TRPC1: variants seen among roughly 807,000 people sequenced by gnomAD.
TRPC1 encodes the protein transient receptor potential cation channel subfamily C member 1.
Under a neutral mutation model 88.2 loss-of-function variants are expected in TRPC1, and 42 were observed. The ratio of observed to expected loss-of-function variants is 0.48; its 90% CI spans 0.37 to 0.62. The LOEUF (loss-of-function observed/expected upper bound fraction) is 0.62. TRPC1 is among the 20% of genes least tolerant of loss of function. The pLI is 0.00. For synonymous variants in TRPC1, 288 were observed against 331.8 expected (o/e 0.87, Z 1.43); for missense variants, 699 against 957.3 (o/e 0.73, Z 3.56).
intron 4 of TRPC1, among the ~76,000 whole-genome samples, chr3:142,760,252 G>A (rs1935138160): frequency 6.6e-6 from 1 of 152,184 alleles, no homozygotes; most frequent in African/African-American, 2.4e-5. Context: ...TTTAATTTTT[G>A]TGTATTGTGA....
intron 4 of TRPC1, among the ~76,000 whole-genome samples, chr3:142,773,604 G>T (rs746924464): frequency 1.0e-4 from 15 of 145,578 alleles, no homozygotes; most frequent in Non-Finnish European, 1.3e-4. Context: ...TTTCCTTTAG[G>T]GGGTATGGGT....
chr3:142,737,324 TTATA>T lies in TRPC1; in HGVS notation c.327+801_327+804del, dbSNP rs10662325. On this transcript the variant is annotated intron_variant, in intron 2 of 12. Coordinates refer to ENST00000476941, the MANE Select transcript of TRPC1 (RefSeq NM_001251845.2). Reference sequence around the variant, plus strand: ...GGGTAATTCTATGTACATTGCTATTTTATATATATATATGTATGTATGTATGTAT... The same window carrying T: ...GGGTAATTCTATGTACATTGCTATTTTATATATATGTATGTATGTATGTAT... Among the ~76,000 whole-genome samples, 219 of 147,806 alleles carry T rather than the reference TTATA, an allele frequency of 1.5e-3. 1 individual carries two copies. The highest frequency in any genetic ancestry group is 7.1e-3 in the Middle Eastern group (2 of 280).
chr3:142,725,711 T>G (rs1169924983), intron 1 of TRPC1, among the ~76,000 whole-genome samples: 1 of 152,170 alleles, frequency 6.6e-6, no homozygotes, highest in African/African-American at 2.4e-5. Flanking sequence ...ACATGCAAAC[T>G]TCTGGAACAA....
At chr3:142,750,885 C>T (rs773476142) in intron 4 of TRPC1, among the ~76,000 whole-genome samples, 14 of 151,796 alleles carry the variant, frequency 9.2e-5, no homozygotes, top group Non-Finnish European at 7.4e-5. Context: ...CACCATGGCA[C>T]GTGTATACCT....
In TRPC1 at chr3:142,799,869, C is replaced by T. The variant is rs58391606; in HGVS notation, c.1582-2300C>T. ...TTTGTGGTGTTCTCATTCAGAATTG[C>T]TTACCTTGATATTGAACTCGATTAC... On this transcript the variant is annotated intron_variant, in intron 9 of 12. Coordinates refer to ENST00000476941, the MANE Select transcript of TRPC1 (RefSeq NM_001251845.2). 4.6e-3 allele frequency among the ~76,000 whole-genome samples: 694 copies of T among 152,216 alleles called. 25 individuals are homozygous for T. The East Asian group carries it at 0.09, about 20-fold the overall frequency.
chr3:142,766,592 G>T (rs952711594), intron 4 of TRPC1, among the ~76,000 whole-genome samples: 5 of 151,840 alleles, frequency 3.3e-5, no homozygotes, highest in African/African-American at 1.2e-4. Context: ...GTATGGCCAG[G>T]CTGGTCTCAA....
intron 4 of TRPC1, among the ~76,000 whole-genome samples, chr3:142,761,734 T>C (rs1174624350): frequency 6.6e-6 from 1 of 152,156 alleles, no homozygotes; most frequent in African/African-American, 2.4e-5. Flanking sequence ...CTTTTTATTA[T>C]GGCTTTGATC....
intron 9 of TRPC1, among the ~76,000 whole-genome samples, chr3:142,801,961 A>C (rs1475456590): frequency 1.3e-5 from 2 of 152,058 alleles, no homozygotes; most frequent in Non-Finnish European, 2.9e-5. Context: ...GCCATCTAAC[A>C]CTGATAGTGT....
intron 4 of TRPC1, among the ~76,000 whole-genome samples, chr3:142,750,385 G>A (rs1248582016): frequency 6.6e-6 from 1 of 152,214 alleles, no homozygotes; most frequent in East Asian, 1.9e-4. Flanking sequence ...ATGCCAGTTA[G>A]AATGGTGATC....
In TRPC1 at chr3:142,806,116, C is replaced by A. The variant is rs778373430; in HGVS notation, c.2263C>A (p.Gln755Lys). Residue 755 changes from glutamine (Q) to lysine (K), a missense_variant, in exon 13 of 13, where the codon CAG becomes AAG. Gln to Lys is a moderately conservative substitution (Grantham distance 53). Transcript: ENST00000476941. ...GAGACAGAAGATGCAAAGTACAGAT[C>A]AGGCAACTGTGGAAAATCTAAACGA... ...SMRQKMQSTD[Q>K]ATVENLNELR... 6.2e-7 allele frequency: 1 copy of A among 1,613,916 alleles called. No individual in the cohort carries two copies. The highest frequency in any genetic ancestry group is 1.1e-5 in the South Asian group (1 of 91,066).
rs1236774043 is a variant in TRPC1, at chr3:142,806,291, T to C, written c.*56T>C. 8.5e-6 allele frequency: 11 copies of C among 1,291,482 alleles called. No homozygotes were observed. In the Admixed American group the frequency reaches 2.3e-4, roughly 27 times the overall value. The allele number at this position is 1,291,482 out of a possible 1,614,324, so 80.0% of individuals were successfully genotyped here. A position where few individuals can be genotyped will look rare whatever the true frequency, so the allele number is the denominator to read the frequency against. On this transcript the variant is annotated 3_prime_UTR_variant, in exon 13 of 13. Transcript: ENST00000476941. Reference sequence around the variant, plus strand: ...TCAATAACAGATCCAAAAGACTATATTGCATAACTTGCAATGAAATTAATG... The same window carrying C: ...TCAATAACAGATCCAAAAGACTATACTGCATAACTTGCAATGAAATTAATG...
intron 4 of TRPC1, among the ~76,000 whole-genome samples, 167 bp downstream of exon 4, chr3:142,748,627 T>A (rs1934642281): frequency 6.6e-6 from 1 of 152,254 alleles, no homozygotes; most frequent in African/African-American, 2.4e-5. Context: ...TCTGCATTTT[T>A]AAGAAGTGTT....
At chr3:142,736,197 T>C (rs906631292) in intron 1 of TRPC1, among the ~76,000 whole-genome samples, 182 bp from the exon 2 acceptor site, 6 of 143,718 alleles carry the variant, frequency 4.2e-5, no homozygotes, top group African/African-American at 1.8e-4. Flanking sequence ...CTGATGTACG[T>C]ATTATTTTAT....
rs942247802 is a variant in TRPC1, at chr3:142,724,435, C to G, written c.-125C>G. The G allele has an allele frequency of 3.2e-5, 31 of 956,984 alleles. No individual in the cohort carries two copies. The highest frequency in any genetic ancestry group is 4.5e-5 in the Non-Finnish European group (31 of 690,484). The allele number at this position is 956,984 out of a possible 1,614,324, so 59.3% of individuals were successfully genotyped here. On this transcript the variant is annotated 5_prime_UTR_variant, in exon 1 of 13. Coordinates refer to ENST00000476941, the MANE Select transcript of TRPC1 (RefSeq NM_001251845.2). The surrounding 1 kb of genome is among the most constrained non-coding windows in gnomAD (Gnocchi z 5.6). ...CCCTTCGGGGCCAACGGGCCTCGAG[C>G]CGAGGCAGCAGTGGGAACGACTCAT...
rs1936802442 is a variant in TRPC1, at chr3:142,806,601, A to C, written c.*366A>C. On this transcript the variant is annotated 3_prime_UTR_variant, in exon 13 of 13. Coordinates refer to ENST00000476941, the MANE Select transcript of TRPC1 (RefSeq NM_001251845.2). ...AATGAAGACCAGCAAATGTAGGCTG[A>C]TCTCCTTCACAGGATACACTTGAAA... 1 of 164,204 alleles carries C rather than the reference A, an allele frequency of 6.1e-6. No individual in the cohort carries two copies. The highest frequency in any genetic ancestry group is 1.3e-5 in the Non-Finnish European group (1 of 75,038). The allele number at this position is 164,204 out of a possible 1,614,324, so 10.2% of individuals were successfully genotyped here.
intron 9 of TRPC1, among the ~76,000 whole-genome samples, chr3:142,797,808 A>G (rs2108154614): frequency 6.6e-6 from 1 of 152,238 alleles, no homozygotes; most frequent in Non-Finnish European, 1.5e-5. Flanking sequence ...TAACTATGGC[A>G]GACCTGAAAA....
intron 10 of TRPC1, among the ~76,000 whole-genome samples, chr3:142,803,302 C>CAG (rs1274087287): frequency 2.6e-5 from 4 of 152,078 alleles, no homozygotes; most frequent in African/African-American, 4.8e-5. Context: ...AGAGCATTTA[C>CAG]AGAGAGAGAG....
intron 7 of TRPC1, among the ~76,000 whole-genome samples, chr3:142,790,700 CTGTGTATGCATCCA>C (rs2108138828): frequency 6.6e-6 from 1 of 152,040 alleles, no homozygotes; most frequent in East Asian, 1.9e-4. Flanking sequence ...GTTTGTATCC[CTGTGTATGCATCCA>C]TGTGCATGCA....
chr3:142,764,244 A>C (rs1205245706), intron 4 of TRPC1, among the ~76,000 whole-genome samples: 1 of 151,638 alleles, frequency 6.6e-6, no homozygotes, highest in Non-Finnish European at 1.5e-5. Context: ...ATTGTTTTTG[A>C]TAAACTTGTC....
Sources: allele counts gnomAD v4.1 joint callset (sites outside exome capture counted in the v4.1 genomes callset), GRCh38; gene constraint gnomAD v4.1.1; non-coding constraint Gnocchi (gnomAD v3.1); transcripts MANE v1.5; gene names NCBI Gene and HGNC (gene_info 2026-07-23, HGNC 2026-07-21).